The following ROBO1 variants were observed in gnomAD, a reference collection of about 807,000 sequenced individuals.
ROBO1 encodes the protein roundabout guidance receptor 1.
Under a neutral mutation model 195.9 loss-of-function variants are expected in ROBO1, and 149 were observed. That is an observed-to-expected ratio of 0.76 (90% confidence interval 0.67 to 0.87). The LOEUF is 0.87. Ranked by LOEUF, ROBO1 falls within the 40% of genes least tolerant of loss-of-function variation. The probability of loss-of-function intolerance (pLI) is 0.00; values close to 1 mark genes in which losing one functional copy is unlikely to be tolerated. For missense variants in ROBO1, 1,933 were observed against 2,068.3 expected (o/e 0.93, Z 1.27); for synonymous variants, 816 against 733.2 (o/e 1.11, Z -1.82).
intron 1 of ROBO1, among the ~76,000 whole-genome samples, chr3:79,761,427 A>C (rs1704692406): frequency 6.6e-6 from 1 of 152,100 alleles, no homozygotes; most frequent in Non-Finnish European, 1.5e-5. Context: ...TAGAAGGGAG[A>C]TTCAATCTGG....
At chr3:79,135,196 C>T (rs2080380550) in intron 2 of ROBO1, among the ~76,000 whole-genome samples, 1 of 152,100 alleles carries the variant, frequency 6.6e-6, no homozygotes, top group Non-Finnish European at 1.5e-5. Flanking sequence ...CCCCAAACCC[C>T]CACATCTATT....
At chr3:78,685,669 T>G in intron 10 of ROBO1, 77 bp downstream of exon 10, 1 of 1,005,044 alleles carries the variant, frequency 9.9e-7, no homozygotes, top group Non-Finnish European at 1.4e-6. Context: ...AAGTTGGAAA[T>G]AAATATATCT....
intron 2 of ROBO1, among the ~76,000 whole-genome samples, chr3:79,411,154 G>A (rs933680339): frequency 1.3e-5 from 2 of 152,046 alleles, no homozygotes; most frequent in South Asian, 2.1e-4. Flanking sequence ...CTTTACACAC[G>A]CACGCACATT....
At chr3:79,241,497 T>G (rs1213517750) in intron 2 of ROBO1, among the ~76,000 whole-genome samples, 1 of 152,026 alleles carries the variant, frequency 6.6e-6, no homozygotes, top group African/African-American at 2.4e-5. Context: ...GTCACCTATC[T>G]CAAAGGGACG....
rs146975185 is a variant in ROBO1 at position 78,903,550 on chromosome 3, T to TACAC, written c.499+35047_499+35050dup. ...TAGAAAACTGGGACAATAAAAGAAG[T>TACAC]ACACACACACACACACACACACACA... On this transcript the variant is annotated intron_variant, in intron 4 of 30. Transcript: ENST00000464233. Among the ~76,000 whole-genome samples the TACAC allele has an allele frequency of 6.1e-3, 878 of 143,422 alleles. 5 individuals carry two copies. Among genetic ancestry groups the TACAC allele is most frequent in the African/African-American group, 0.019 (773 of 39,730 alleles). 94.1% of individuals were successfully genotyped at this position (143,422 alleles called of 152,430 possible). A position where few individuals can be genotyped will look rare whatever the true frequency, so the allele number is the denominator to read the frequency against.
chr3:79,424,311 A>G lies in ROBO1; in HGVS notation c.88+165513T>C, dbSNP rs999418232. On this transcript the variant is annotated intron_variant, in intron 2 of 30. Transcript: ENST00000464233. ...ACAAAGTTATTCACTAGCTCTACAC[A>G]TAATCAAACATTTGAGACTGTTTCA... Among the ~76,000 whole-genome samples, 8 of 152,154 alleles carry G rather than the reference A, an allele frequency of 5.3e-5. No homozygotes were observed. The East Asian group carries it at 1.5e-3, about 29-fold the overall frequency.
intron 1 of ROBO1, among the ~76,000 whole-genome samples, chr3:79,669,341 C>T (rs1462952467): frequency 6.6e-6 from 1 of 151,802 alleles, no homozygotes; most frequent in Non-Finnish European, 1.5e-5. Flanking sequence ...TAAATTAAAC[C>T]TCTTTGTCTT....
intron 1 of ROBO1, among the ~76,000 whole-genome samples, chr3:79,724,945 T>G (rs569721430): frequency 6.6e-6 from 1 of 152,322 alleles, no homozygotes; most frequent in Admixed American, 6.5e-5. Flanking sequence ...GTGTCCTTCC[T>G]TACCCTTCTT....
chr3:79,363,214 A>G (rs1316849198), intron 2 of ROBO1, among the ~76,000 whole-genome samples: 1 of 152,148 alleles, frequency 6.6e-6, no homozygotes, highest in Non-Finnish European at 1.5e-5. Flanking sequence ...CTTAGCCATG[A>G]TGAGTTTTCT....
chr3:79,731,671 T>C (rs1703153664), intron 1 of ROBO1, among the ~76,000 whole-genome samples: 1 of 152,172 alleles, frequency 6.6e-6, no homozygotes, highest in South Asian at 2.1e-4. Context: ...TCAGGATAGA[T>C]TGATGGTATG....
At chr3:79,614,722 G>T (rs1944765930) in intron 1 of ROBO1, among the ~76,000 whole-genome samples, 1 of 151,986 alleles carries the variant, frequency 6.6e-6, no homozygotes, top group Non-Finnish European at 1.5e-5. Flanking sequence ...GTACATATTT[G>T]CCAGTTCCAT....
intron 2 of ROBO1, among the ~76,000 whole-genome samples, chr3:79,195,619 G>A (rs1339067923): frequency 6.6e-6 from 1 of 151,370 alleles, no homozygotes; most frequent in African/African-American, 2.4e-5. Context: ...GCTATATCTG[G>A]AAACCAAAGA....
At chr3:79,007,505 G>A (rs1180295397) in intron 3 of ROBO1, among the ~76,000 whole-genome samples, 1 of 152,130 alleles carries the variant, frequency 6.6e-6, no homozygotes, top group East Asian at 1.9e-4. Context: ...CTATTTATCT[G>A]TATACTGCTA....
intron 4 of ROBO1, among the ~76,000 whole-genome samples, chr3:78,914,752 A>T (rs2038454896): frequency 7.7e-6 from 1 of 129,138 alleles, no homozygotes; most frequent in Non-Finnish European, 1.8e-5. Flanking sequence ...TATACATTTT[A>T]TAAATTATAT....
At chr3:79,115,210 C>T (rs570188104) in intron 3 of ROBO1, among the ~76,000 whole-genome samples, 1 of 152,168 alleles carries the variant, frequency 6.6e-6, no homozygotes, top group South Asian at 2.1e-4. Context: ...GAGTTAGCAT[C>T]GGCAAAGCTC....
chr3:79,200,337 G>GTATT (rs527775219), intron 2 of ROBO1, among the ~76,000 whole-genome samples: 1 of 151,510 alleles, frequency 6.6e-6, no homozygotes, highest in South Asian at 2.1e-4. Flanking sequence ...CAAAAAATAG[G>GTATT]TATTTATTTA....
chr3:79,515,482 T>A (rs745587805), intron 2 of ROBO1, among the ~76,000 whole-genome samples: 15 of 152,200 alleles, frequency 9.9e-5, no homozygotes, highest in Admixed American at 2.6e-4. Context: ...CCACCAACAA[T>A]GTTTGTGGCT....
At chr3:79,609,605 T>G (rs1333475116) in intron 1 of ROBO1, among the ~76,000 whole-genome samples, 1 of 151,944 alleles carries the variant, frequency 6.6e-6, no homozygotes, top group Non-Finnish European at 1.5e-5. Context: ...TTTACCCATA[T>G]GTCCATGGAT....
intron 1 of ROBO1, among the ~76,000 whole-genome samples, chr3:79,665,721 T>A (rs990995251): frequency 2.0e-5 from 3 of 151,810 alleles, no homozygotes; most frequent in Non-Finnish European, 4.4e-5. Flanking sequence ...GAGAAAAGTA[T>A]TTCCAAAATC....
Sources: allele counts gnomAD v4.1 joint callset (sites outside exome capture counted in the v4.1 genomes callset), GRCh38; gene constraint gnomAD v4.1.1; transcripts MANE v1.5; gene names NCBI Gene and HGNC (gene_info 2026-07-23, HGNC 2026-07-21).